MIPOL1: variants seen among roughly 807,000 people sequenced by gnomAD.
The protein encoded by MIPOL1 is mirror-image polydactyly gene 1 protein.
In MIPOL1, 57 loss-of-function variants were observed where a neutral mutation model predicts 60.9. That is an observed-to-expected ratio of 0.94 (90% CI 0.76 to 1.17). The LOEUF (loss-of-function observed/expected upper bound fraction) is 1.17, where lower values mean the gene tolerates loss of function less well. MIPOL1 is among the 50% of genes most tolerant of loss of function. The pLI is 0.00. For missense variants in MIPOL1, 551 were observed against 511.6 expected, an observed-to-expected ratio of 1.08 and a Z score of -0.74; for synonymous variants, 179 against 168.8, an observed-to-expected ratio of 1.06 and a Z score of -0.47.
rs1298328929 is a variant in MIPOL1 at position 37,493,675 on chromosome 14, A to G, written c.1032-6233A>G. On this transcript the variant is annotated intron_variant, in intron 11 of 12. Coordinates refer to ENST00000684589, the MANE Select transcript of MIPOL1 (RefSeq NM_001388067.1). ...TTCTACACTAAATTATAAAACTTAA[A>G]TTTATAAAGAATTATATAATTTTAA... is the stretch of plus-strand genomic sequence containing the variant. 2.6e-5 allele frequency among the ~76,000 whole-genome samples: 4 copies of G among 152,214 alleles called. No homozygotes were observed. The East Asian group carries it at 7.7e-4, about 29-fold the overall frequency.
At chr14:37,449,080 C>CAT (rs1323649954) in intron 11 of MIPOL1, among the ~76,000 whole-genome samples, 1 of 152,206 alleles carries the variant, frequency 6.6e-6, no homozygotes, top group Non-Finnish European at 1.5e-5. Context: ...AGCAAGATCA[C>CAT]ATTCTTCCGT....
At chr14:37,446,139 C>A (rs149274731) in intron 11 of MIPOL1, among the ~76,000 whole-genome samples, 5 of 152,054 alleles carry the variant, frequency 3.3e-5, no homozygotes, top group African/African-American at 1.2e-4. Context: ...AACAGGCAAC[C>A]TACAAAATGG....
intron 7 of MIPOL1, among the ~76,000 whole-genome samples, chr14:37,291,942 T>TTA (rs1555383776): frequency 2.5e-5 from 3 of 122,248 alleles, no homozygotes; most frequent in African/African-American, 9.4e-5. Flanking sequence ...TTTTTTTTTT[T>TTA]AGAGAAGGAG....
intron 3 of MIPOL1, among the ~76,000 whole-genome samples, chr14:37,259,041 C>A (rs150697388): frequency 2.3e-4 from 35 of 152,102 alleles, no homozygotes; most frequent in African/African-American, 8.4e-4. Flanking sequence ...GTGTGTTTAT[C>A]TAAATATAAC....
chr14:37,503,099 C>G (rs1027102219), intron 12 of MIPOL1: 6 of 152,060 alleles, frequency 3.9e-5, no homozygotes, highest in Non-Finnish European at 8.8e-5. Flanking sequence ...AACAAAGCCT[C>G]CAAGAAATAT....
chr14:37,537,268 C>T (rs927253658), intron 12 of MIPOL1, among the ~76,000 whole-genome samples: 1 of 152,002 alleles, frequency 6.6e-6, no homozygotes, highest in African/African-American at 2.4e-5. Context: ...GTATGATATC[C>T]ATGTAAACTT....
intron 11 of MIPOL1, among the ~76,000 whole-genome samples, chr14:37,461,639 A>G (rs1159579640): frequency 1.3e-5 from 2 of 152,212 alleles, no homozygotes; most frequent in Non-Finnish European, 2.9e-5. Flanking sequence ...CTTCCTAGAT[A>G]CAATGGGGGT....
intron 11 of MIPOL1, among the ~76,000 whole-genome samples, chr14:37,445,687 A>G (rs1434217380): frequency 2.0e-5 from 3 of 152,012 alleles, no homozygotes; most frequent in Non-Finnish European, 4.4e-5. Flanking sequence ...ACAAGGCTAC[A>G]GTAACCAAAA....
At chr14:37,531,216 T>A (rs565473769) in intron 12 of MIPOL1, among the ~76,000 whole-genome samples, 1 of 152,294 alleles carries the variant, frequency 6.6e-6, no homozygotes, top group South Asian at 2.1e-4. Flanking sequence ...TCTTTGTTCC[T>A]GCCAGACTGA....
At chr14:37,256,585 A>G (rs2153370419) in intron 3 of MIPOL1, among the ~76,000 whole-genome samples, 1 of 152,116 alleles carries the variant, frequency 6.6e-6, no homozygotes, top group African/African-American at 2.4e-5. Flanking sequence ...ATTACAGTTC[A>G]GCAAATCTGT....
chr14:37,300,142 C>T (rs1330700741), intron 7 of MIPOL1, among the ~76,000 whole-genome samples: 2 of 151,400 alleles, frequency 1.3e-5, no homozygotes, highest in South Asian at 2.1e-4. Flanking sequence ...CTAAGTTTCT[C>T]CACTGTAAAG....
At chr14:37,441,379 T>A (rs1315875934) in intron 11 of MIPOL1, among the ~76,000 whole-genome samples, 1 of 152,162 alleles carries the variant, frequency 6.6e-6, no homozygotes, top group Non-Finnish European at 1.5e-5. Flanking sequence ...GGTCTTATAT[T>A]TAAGTATTTA....
At position 37,546,973 on chromosome 14, in the gene MIPOL1, T is replaced by TC; in HGVS notation, c.*2_*3insC. 6.2e-7 allele frequency: 1 copy of TC among 1,610,658 alleles called. No individual in the cohort carries two copies. Among genetic ancestry groups the TC allele is most frequent in the Non-Finnish European group, 8.5e-7 (1 of 1,177,784 alleles). On this transcript the variant is annotated 3_prime_UTR_variant, in exon 13 of 13. Transcript: ENST00000684589. ...GGGACCATGAGGACAGTGATCTGAT[T>TC]GAAAAAAAACGACAGTCTGGGGAAG...
intron 1 of MIPOL1, among the ~76,000 whole-genome samples, chr14:37,206,798 T>A (rs191461200): frequency 6.6e-6 from 1 of 152,364 alleles, no homozygotes; most frequent in East Asian, 1.9e-4. Flanking sequence ...AAGATTTGAC[T>A]GTCCTGCTGG....
At chr14:37,233,345 C>A (rs1220287596) in intron 1 of MIPOL1, among the ~76,000 whole-genome samples, 1 of 152,016 alleles carries the variant, frequency 6.6e-6, no homozygotes, top group Non-Finnish European at 1.5e-5. Flanking sequence ...TTTTCAGAAA[C>A]CTTTAACTTT....
At chr14:37,228,596 A>G (rs971506132) in intron 1 of MIPOL1, among the ~76,000 whole-genome samples, 6 of 152,138 alleles carry the variant, frequency 3.9e-5, no homozygotes, top group African/African-American at 1.4e-4. Flanking sequence ...AAAACTTTGT[A>G]TTGGGTTACC....
chr14:37,249,277 C>T (rs986486337), intron 3 of MIPOL1, among the ~76,000 whole-genome samples: 6 of 152,052 alleles, frequency 3.9e-5, no homozygotes, highest in Non-Finnish European at 7.4e-5. Flanking sequence ...GGTTCCCCTT[C>T]CCCCAACAGG....
At chr14:37,465,446 A>G (rs1376678981) in intron 11 of MIPOL1, among the ~76,000 whole-genome samples, 2 of 152,134 alleles carry the variant, frequency 1.3e-5, no homozygotes, top group Non-Finnish European at 2.9e-5. Context: ...AGACCAACAC[A>G]AGGTAAAATA....
intron 9 of MIPOL1, among the ~76,000 whole-genome samples, chr14:37,349,266 G>A (rs562517420): frequency 1.3e-5 from 2 of 152,122 alleles, no homozygotes; most frequent in Non-Finnish European, 2.9e-5. Flanking sequence ...GAGATAACGG[G>A]CGTGAGCCAC....
Sources: gnomAD v4.1 joint callset for allele counts (sites outside exome capture counted in the v4.1 genomes callset) on GRCh38, gnomAD v4.1.1 for gene constraint, MANE v1.5 for transcripts, NCBI Gene and HGNC (gene_info 2026-07-23, HGNC 2026-07-21) for gene names.